COL25A1: variants seen among roughly 807,000 people sequenced by gnomAD.
The protein encoded by COL25A1 is collagen type XXV alpha 1 chain.
A neutral mutation model predicts 128.4 loss-of-function variants in COL25A1; 103 were observed. The ratio of observed to expected loss-of-function variants is 0.80; its 90% CI spans 0.68 to 0.94. The LOEUF is 0.94. COL25A1 is among the 40% of genes least tolerant of loss of function. COL25A1 has a pLI of 0.00. For missense variants in COL25A1, 745 were observed against 840.0 expected, an observed-to-expected ratio of 0.89 and a Z score of 1.40; for synonymous variants, 279 against 277.2, an observed-to-expected ratio of 1.01 and a Z score of -0.06.
chr4:109,098,525 A>T (rs1765598027), intron 3 of COL25A1, among the ~76,000 whole-genome samples: 1 of 142,252 alleles, frequency 7.0e-6, no homozygotes, highest in East Asian at 2.2e-4. Flanking sequence ...AAGTATATAT[A>T]ATTCAATTAT....
intron 2 of COL25A1, 41 bp downstream of exon 2, chr4:109,301,682 C>G (rs527740453): frequency 6.3e-7 from 1 of 1,586,874 alleles, no homozygotes; most frequent in Admixed American, 1.7e-5. Flanking sequence ...CACGCTTGTA[C>G]AAGATGTTAC....
At position 109,166,836 on chromosome 4, in the gene COL25A1, G is replaced by A. The variant is rs534708533; in HGVS notation, c.368-116657C>T. Among the ~76,000 whole-genome samples the A allele has an allele frequency of 2.3e-4, 35 of 152,210 alleles. No homozygotes were observed. In the Middle Eastern group the frequency reaches 0.031, roughly 134 times the overall value. On this transcript the variant is annotated intron_variant, in intron 3 of 37. Transcript: ENST00000399132. The stretch of plus-strand genomic sequence containing the variant: ...GTGACTAATGGGTTTTTCAAGAAGC[G>A]TGAAATTCCTTTTTGTAATTGCTGA...
At chr4:109,061,996 A>T (rs1762019590) in intron 3 of COL25A1, among the ~76,000 whole-genome samples, 1 of 152,196 alleles carries the variant, frequency 6.6e-6, no homozygotes, top group Admixed American at 6.5e-5. Context: ...CATAGGAACT[A>T]ACACAGAATT....
chr4:108,836,166 G>GGCCTTACA (rs1733792444), intron 31 of COL25A1, among the ~76,000 whole-genome samples: 1 of 151,802 alleles, frequency 6.6e-6, no homozygotes, highest in Non-Finnish European at 1.5e-5. Context: ...CACCGTGCCC[G>GGCCTTACA]GCCTTACATA....
At chr4:109,242,200 G>A (rs1779939439) in intron 3 of COL25A1, among the ~76,000 whole-genome samples, 1 of 152,002 alleles carries the variant, frequency 6.6e-6, no homozygotes, top group African/African-American at 2.4e-5. Flanking sequence ...AATAGCTGCT[G>A]TTTCACATTT....
chr4:109,049,359 T>C (rs1457451511), intron 4 of COL25A1, among the ~76,000 whole-genome samples: 2 of 152,178 alleles, frequency 1.3e-5, no homozygotes, highest in Admixed American at 6.5e-5. Context: ...AAACAGTAAG[T>C]GAACTCATTT....
intron 6 of COL25A1, among the ~76,000 whole-genome samples, chr4:109,001,295 C>A (rs1294617992): frequency 2.6e-5 from 1 of 38,916 alleles, no homozygotes; most frequent in Non-Finnish European, 7.3e-5. Flanking sequence ...TGCCTCCCTG[C>A]AGCAATGAGT....
chr4:109,087,774 C>CA (rs1390546261), intron 3 of COL25A1, among the ~76,000 whole-genome samples: 1 of 152,024 alleles, frequency 6.6e-6, no homozygotes, highest in Non-Finnish European at 1.5e-5. Context: ...TTTTTGCATA[C>CA]AAAATCTCAC....
rs141686105 is a variant in COL25A1, at chr4:109,139,183, T to C, written c.368-89004A>G. ...GCCCACTTTTTGAAGGGGTTGTTTT[T>C]TCCTTGTAAATTTGTTTAAGTTCCT... On this transcript the variant is annotated intron_variant, in intron 3 of 37. Coordinates refer to ENST00000399132, the MANE Select transcript of COL25A1 (RefSeq NM_198721.4). Among the ~76,000 whole-genome samples, 1,177 of 142,818 alleles carry C rather than the reference T, an allele frequency of 8.2e-3. 8 individuals carry two copies. The highest frequency in any genetic ancestry group is 0.028 in the African/African-American group (1,129 of 40,596). The allele number at this position is 142,818 out of a possible 152,430, so 93.7% of individuals were successfully genotyped here.
chr4:108,926,477 A>C (rs1444805108), intron 11 of COL25A1, among the ~76,000 whole-genome samples: 1 of 152,210 alleles, frequency 6.6e-6, no homozygotes, highest in Non-Finnish European at 1.5e-5. Context: ...CCACGATTTA[A>C]TAAAAGTTAG....
chr4:109,171,654 CAAGGT>C (rs1375810945), intron 3 of COL25A1, among the ~76,000 whole-genome samples: 2 of 152,162 alleles, frequency 1.3e-5, no homozygotes, highest in Non-Finnish European at 2.9e-5. Context: ...AGAGCTTTTC[CAAGGT>C]AAGTGCTGTA....
chr4:108,942,464 G>A (rs928530960), intron 8 of COL25A1, among the ~76,000 whole-genome samples: 3 of 150,296 alleles, frequency 2.0e-5, no homozygotes, highest in Admixed American at 2.0e-4. Flanking sequence ...TTCTTTTTAA[G>A]ATGAAGTCTC....
intron 26 of COL25A1, among the ~76,000 whole-genome samples, chr4:108,849,834 T>C (rs529581601): frequency 6.6e-6 from 1 of 152,292 alleles, no homozygotes; most frequent in South Asian, 2.1e-4. Flanking sequence ...TTAGAGCTCC[T>C]TTCCCTGGTA....
At chr4:108,935,933 G>A (rs1486913430) in intron 11 of COL25A1, among the ~76,000 whole-genome samples, 1 of 152,096 alleles carries the variant, frequency 6.6e-6, no homozygotes, top group Non-Finnish European at 1.5e-5. Context: ...AAAAGCCAAT[G>A]CCAGTGATAA....
chr4:108,841,973 G>A (rs184267609), intron 30 of COL25A1, among the ~76,000 whole-genome samples: 43 of 152,194 alleles, frequency 2.8e-4, no homozygotes, highest in African/African-American at 1.0e-3. Flanking sequence ...AAATCTGCCA[G>A]GGTTACATGG....
In COL25A1 at chr4:109,300,466, C is replaced by A. The variant is rs994634671; in HGVS notation, c.367+117G>T. The A allele has an allele frequency of 1.2e-5, 8 of 664,064 alleles. No individual in the cohort carries two copies. The South Asian group carries it at 1.6e-4, about 13-fold the overall frequency. The allele number at this position is 664,064 out of a possible 1,614,324, so 41.1% of individuals were successfully genotyped here. A position where few individuals can be genotyped will look rare whatever the true frequency, so the allele number is the denominator to read the frequency against. On this transcript the variant is annotated intron_variant, in intron 3 of 37. Coordinates refer to ENST00000399132, the MANE Select transcript of COL25A1 (RefSeq NM_198721.4). ...ATGAGACATGTTGATTTTATTAAAG[C>A]AAGTTGGGTCTGCATTCTTTCTTTA...
intron 3 of COL25A1, among the ~76,000 whole-genome samples, chr4:109,274,903 G>A (rs966761435): frequency 9.9e-5 from 15 of 151,998 alleles, no homozygotes; most frequent in African/African-American, 3.1e-4. Context: ...AGTGTGTGTC[G>A]GCACAGTAAA....
At chr4:108,840,110 T>C (rs1430120664) in intron 31 of COL25A1, among the ~76,000 whole-genome samples, 1 of 151,520 alleles carries the variant, frequency 6.6e-6, no homozygotes, top group Non-Finnish European at 1.5e-5. Flanking sequence ...GGCATGGTGG[T>C]GGGTGCCTGT....
chr4:109,196,107 T>A (rs116766204), intron 3 of COL25A1, among the ~76,000 whole-genome samples: 3,265 of 152,300 alleles, frequency 0.021, 111 homozygotes, highest in South Asian at 0.14. Context: ...TAATGCAAAG[T>A]TCTCTGTGCG....
Sources: gnomAD v4.1 joint callset for allele counts (sites outside exome capture counted in the v4.1 genomes callset) on GRCh38, gnomAD v4.1.1 for gene constraint, MANE v1.5 for transcripts, NCBI Gene and HGNC (gene_info 2026-07-23, HGNC 2026-07-21) for gene names.